Variants in TMEM242 observed in about 807,000 individuals in gnomAD.
TMEM242 encodes the protein UPF0463 transmembrane protein C6orf35.
A neutral mutation model predicts 18.2 loss-of-function variants in TMEM242; 10 were observed. The ratio of observed to expected loss-of-function variants is 0.55; its 90% CI spans 0.34 to 0.93. The LOEUF (loss-of-function observed/expected upper bound fraction) is 0.93. TMEM242 is among the 40% of genes least tolerant of loss of function. The probability of loss-of-function intolerance (pLI) is 0.02; values close to 1 mark genes in which losing one functional copy is unlikely to be tolerated. For missense variants in TMEM242, 186 were observed against 175.5 expected (o/e 1.06, Z -0.34); for synonymous variants, 57 against 69.9 (o/e 0.81, Z 0.92).
chr6:157,293,346 A>G (rs1032326696), intron 3 of TMEM242, among the ~76,000 whole-genome samples: 2 of 143,358 alleles, frequency 1.4e-5, no homozygotes, highest in Non-Finnish European at 3.0e-5. Context: ...GCAAGACTCT[A>G]TCTCTTTAAA....
chr6:157,311,325 T>C (rs1778074573), intron 3 of TMEM242, among the ~76,000 whole-genome samples: 4 of 94,696 alleles, frequency 4.2e-5, no homozygotes, highest in Admixed American at 2.2e-4. Context: ...TGTGTTCACC[T>C]AGCCTCATCA....
intron 3 of TMEM242, among the ~76,000 whole-genome samples, chr6:157,294,347 CTT>C (rs587765277): frequency 4.3e-5 from 5 of 115,246 alleles, no homozygotes; most frequent in Non-Finnish European, 3.5e-5. Context: ...CAAGTCATTT[CTT>C]TTTTTTTTTT....
At chr6:157,314,895 A>G (rs1778361304) in intron 3 of TMEM242, among the ~76,000 whole-genome samples, 1 of 152,204 alleles carries the variant, frequency 6.6e-6, no homozygotes, top group Non-Finnish European at 1.5e-5. Context: ...AGGAACCGCA[A>G]GCACTTTCAT....
chr6:157,310,231 T>TAAAC (rs1777980202), intron 3 of TMEM242, among the ~76,000 whole-genome samples: 1 of 152,228 alleles, frequency 6.6e-6, no homozygotes, highest in Admixed American at 6.5e-5. Flanking sequence ...AATAACCATG[T>TAAAC]AAACAGCAAG....
chr6:157,312,856 A>C (rs1554249453), intron 3 of TMEM242, among the ~76,000 whole-genome samples: 3 of 152,044 alleles, frequency 2.0e-5, no homozygotes, highest in African/African-American at 7.2e-5. Flanking sequence ...ACCTGGCCTC[A>C]TCATAGTGTC....
intron 3 of TMEM242, among the ~76,000 whole-genome samples, chr6:157,309,509 C>T (rs587605830): frequency 6.6e-6 from 1 of 152,160 alleles, no homozygotes; most frequent in Non-Finnish European, 1.5e-5. Flanking sequence ...ACACCTCAGC[C>T]TCCTGAGTAG....
intron 3 of TMEM242, among the ~76,000 whole-genome samples, chr6:157,300,557 GGGT>G (rs1777816489): frequency 6.6e-6 from 1 of 152,168 alleles, no homozygotes; most frequent in South Asian, 2.1e-4. Context: ...CTTTGCATAC[GGGT>G]GGTTGCCTGC....
rs1272585580 is a variant in TMEM242 at position 157,293,006 on chromosome 6, G to A, written c.328-7C>T. On this transcript the variant is annotated splice_polypyrimidine_tract_variant and splice_region_variant and intron_variant, in intron 3 of 3. Coordinates refer to ENST00000400788, the MANE Select transcript of TMEM242 (RefSeq NM_018452.6). ...TACTTCGAAAGTCGTTCATCTAAAA[G>A]AAGAAAAATAATCAGTTATCAAATG... 1 of 1,601,022 alleles carries A rather than the reference G, an allele frequency of 6.2e-7. No homozygotes were observed. Among genetic ancestry groups the A allele is most frequent in the Non-Finnish European group, 8.6e-7 (1 of 1,168,770 alleles).
At chr6:157,317,226 T>C (rs9331343) in intron 3 of TMEM242, among the ~76,000 whole-genome samples, 94,473 of 152,054 alleles carry the variant, frequency 0.62, 29,958 homozygotes, top group East Asian at 0.96. Context: ...CACCTAGATA[T>C]ACTGCCTCTG....
intron 3 of TMEM242, among the ~76,000 whole-genome samples, chr6:157,296,099 G>C (rs1367985718): frequency 2.0e-5 from 3 of 152,142 alleles, no homozygotes; most frequent in Non-Finnish European, 4.4e-5. Flanking sequence ...AAAGATTTAG[G>C]GGTTGAGTGC....
At chr6:157,309,686 C>G (rs1200630912) in intron 3 of TMEM242, among the ~76,000 whole-genome samples, 1 of 152,168 alleles carries the variant, frequency 6.6e-6, no homozygotes, top group African/African-American at 2.4e-5. Context: ...CCACCGCCCA[C>G]CTAACAAATA....
chr6:157,318,602 T>A (rs1778444592), intron 3 of TMEM242, 180 bp downstream of exon 3: 6 of 606,032 alleles, frequency 9.9e-6, no homozygotes, highest in Non-Finnish European at 1.7e-5. Context: ...CTTCAAAAAT[T>A]GTATTTATTA....
chr6:157,298,143 A>C (rs1483430055), intron 3 of TMEM242, among the ~76,000 whole-genome samples: 1 of 152,228 alleles, frequency 6.6e-6, no homozygotes, highest in Non-Finnish European at 1.5e-5. Context: ...GAGCGGAATA[A>C]CCCAGGAGGC....
chr6:157,321,154 A>G (rs1020776623), intron 2 of TMEM242, among the ~76,000 whole-genome samples: 5 of 151,528 alleles, frequency 3.3e-5, no homozygotes, highest in East Asian at 3.9e-4. Flanking sequence ...GACTACAGGC[A>G]CCCGCCACCC....
intron 3 of TMEM242, among the ~76,000 whole-genome samples, chr6:157,312,661 C>A (rs76496326): frequency 5.7e-4 from 3 of 5,260 alleles, no homozygotes; most frequent in South Asian, 4.3e-3. Context: ...CATCATAGTG[C>A]CCCAGGGTGC....
rs1554249669 is a variant in TMEM242, at chr6:157,313,242, CAG to C, written c.327+5538_327+5539del. On this transcript the variant is annotated intron_variant, in intron 3 of 3. Transcript: ENST00000400788. The stretch of plus-strand genomic sequence containing the variant: ...CTCACCTGGCCTCATCATAGTGTCG[CAG>C]AGTGTGCTCACCTGGCCTCATCATA... Among the ~76,000 whole-genome samples, 63 of 145,786 alleles carry C rather than the reference CAG, an allele frequency of 4.3e-4. 1 individual carries two copies. Among genetic ancestry groups the C allele is most frequent in the Middle Eastern group, 3.8e-3 (1 of 262 alleles).
intron 3 of TMEM242, among the ~76,000 whole-genome samples, chr6:157,312,234 A>C (rs1365723330): frequency 1.2e-5 from 1 of 81,404 alleles, no homozygotes; most frequent in Non-Finnish European, 2.4e-5. Context: ...GCCCCAGTGT[A>C]CACTCATCTA....
In TMEM242 at chr6:157,318,902, A is replaced by C; in HGVS notation, c.207T>G (p.Ala69=). ...EWFNKGSMAT[A]ALPESGSSLA... The stretch of plus-strand genomic sequence containing the variant: ...GGGAAGACCCGCTTTCCGGTAATGC[A>C]GCCGTGGCCATACTTCCCTGAAATG... Residue 69 remains alanine, a synonymous_variant, in exon 3 of 4, where the codon GCT becomes GCG. Coordinates refer to ENST00000400788, the MANE Select transcript of TMEM242 (RefSeq NM_018452.6). 1 of 1,606,310 alleles carries C rather than the reference A, an allele frequency of 6.2e-7. No individual in the cohort carries two copies. The highest frequency in any genetic ancestry group is 8.5e-7 in the Non-Finnish European group (1 of 1,177,274).
At chr6:157,313,313 T>G (rs1554249690) in intron 3 of TMEM242, among the ~76,000 whole-genome samples, 9 of 151,006 alleles carry the variant, frequency 6.0e-5, no homozygotes, top group African/African-American at 1.9e-4. Flanking sequence ...AGTGTCCCAG[T>G]GTGCGCTCAC....
Sources: gnomAD v4.1 joint callset for allele counts (sites outside exome capture counted in the v4.1 genomes callset) on GRCh38, gnomAD v4.1.1 for gene constraint, MANE v1.5 for transcripts, NCBI Gene and HGNC (gene_info 2026-07-23, HGNC 2026-07-21) for gene names.